CLNK: variants seen among roughly 807,000 people sequenced by gnomAD.
CLNK encodes cytokine dependent hematopoietic cell linker.
Under a neutral mutation model 68.6 loss-of-function variants are expected in CLNK, and 74 were observed. The ratio of observed to expected loss-of-function variants is 1.08; its 90% confidence interval spans 0.89 to 1.31. CLNK has a LOEUF of 1.31. CLNK is among the 50% of genes most tolerant of loss of function. The pLI, the probability that CLNK is intolerant of heterozygous loss-of-function variation, is 0.00. For synonymous variants in CLNK, 198 were observed against 172.2 expected (o/e 1.15, Z -1.17); for missense variants, 553 against 515.3 (o/e 1.07, Z -0.71).
chr4:10,722,348 C>G, the CLNK span, among the ~76,000 whole-genome samples: 7 of 152,106 alleles, frequency 4.6e-5, no homozygotes, highest in African/African-American at 1.7e-4. Context: ...AGGCTCTCAC[C>G]AACATGGCTC....
chr4:10,719,085 C>T, the CLNK span, among the ~76,000 whole-genome samples: 1 of 151,782 alleles, frequency 6.6e-6, no homozygotes, highest in African/African-American at 2.4e-5. Context: ...AAATGTAATT[C>T]TAAAAAAGTT....
intron 2 of CLNK, among the ~76,000 whole-genome samples, chr4:10,603,404 T>C (rs893884312): frequency 1.3e-5 from 2 of 152,224 alleles, no homozygotes; most frequent in African/African-American, 4.8e-5. Flanking sequence ...TTAGTCCATT[T>C]AATCCTCTTA....
chr4:10,625,077 C>T (rs1722615304), intron 2 of CLNK, among the ~76,000 whole-genome samples: 1 of 152,104 alleles, frequency 6.6e-6, no homozygotes, highest in African/African-American at 2.4e-5. Context: ...TCTTTCATTC[C>T]CAAAGCTGCA....
At chr4:10,640,688 A>G (rs1723276856) in intron 2 of CLNK, among the ~76,000 whole-genome samples, 1 of 152,256 alleles carries the variant, frequency 6.6e-6, no homozygotes, top group Non-Finnish European at 1.5e-5. Flanking sequence ...CAGACTAGGA[A>G]GGGCTGCACT....
upstream of CLNK, among the ~76,000 whole-genome samples, chr4:10,686,724 G>T (rs1725285684): frequency 6.6e-6 from 1 of 151,614 alleles, no homozygotes; most frequent in African/African-American, 2.4e-5. Flanking sequence ...GAAGAAAAGT[G>T]AATTATTGTG....
intron 8 of CLNK, among the ~76,000 whole-genome samples, chr4:10,542,965 G>A (rs1304886025): frequency 6.6e-6 from 1 of 151,888 alleles, no homozygotes; most frequent in East Asian, 1.9e-4. Context: ...TGTAATTATC[G>A]AGCTTCTACT....
At chr4:10,698,445 T>C in the CLNK span, among the ~76,000 whole-genome samples, 2 of 152,172 alleles carry the variant, frequency 1.3e-5, no homozygotes, top group Admixed American at 1.3e-4. Flanking sequence ...AATAAATGGG[T>C]GACTACTGGA....
chr4:10,583,531 T>G (rs1720864684), intron 4 of CLNK, among the ~76,000 whole-genome samples: 1 of 152,118 alleles, frequency 6.6e-6, no homozygotes, highest in Admixed American at 6.5e-5. Context: ...GTGATCCGCC[T>G]GCTTTGGCCT....
At chr4:10,651,064 G>A (rs770068317) in intron 2 of CLNK, among the ~76,000 whole-genome samples, 29 of 152,314 alleles carry the variant, frequency 1.9e-4, no homozygotes, top group South Asian at 4.2e-4. Flanking sequence ...ATGCTGAAGA[G>A]GATGTGGAGA....
At chr4:10,515,195 G>T (rs1406669574) in intron 15 of CLNK, among the ~76,000 whole-genome samples, 1 of 152,152 alleles carries the variant, frequency 6.6e-6, no homozygotes, top group African/African-American at 2.4e-5. Flanking sequence ...CCGAGATCAT[G>T]CCATTGCACT....
At chr4:10,510,439 A>G (rs1269736198) in intron 16 of CLNK, among the ~76,000 whole-genome samples, 1 of 152,206 alleles carries the variant, frequency 6.6e-6, no homozygotes, top group Non-Finnish European at 1.5e-5. Context: ...TTGCGTTGCA[A>G]TGACTTTTTA....
At chr4:10,674,006 C>A (rs1724769115) in intron 1 of CLNK, among the ~76,000 whole-genome samples, 1 of 152,220 alleles carries the variant, frequency 6.6e-6, no homozygotes, top group African/African-American at 2.4e-5. Context: ...AAAGCCCATG[C>A]ATAGCTCTCT....
chr4:10,689,684 T>G (rs1266602624), upstream of CLNK, among the ~76,000 whole-genome samples: 1 of 149,562 alleles, frequency 6.7e-6, no homozygotes, highest in Non-Finnish European at 1.5e-5. Context: ...AAGGGTGTGT[T>G]GTTTGTTTTA....
intron 12 of CLNK, chr4:10,531,428 A>T (rs1210396011): frequency 6.5e-6 from 1 of 153,056 alleles, no homozygotes; most frequent in Non-Finnish European, 1.4e-5. Flanking sequence ...TTTTATTTTT[A>T]TTTATTTAAT....
chr4:10,528,506 T>G (rs1718411811), intron 12 of CLNK, among the ~76,000 whole-genome samples: 1 of 152,216 alleles, frequency 6.6e-6, no homozygotes, highest in African/African-American at 2.4e-5. Flanking sequence ...TTTACAGAGT[T>G]AAATCACTGG....
intron 17 of CLNK, among the ~76,000 whole-genome samples, chr4:10,503,007 G>T (rs1577090258): frequency 6.6e-6 from 1 of 152,140 alleles, no homozygotes; most frequent in Non-Finnish European, 1.5e-5. Flanking sequence ...ATGATACTAA[G>T]ATCTGGTTGT....
chr4:10,730,546 C>T, the CLNK span, among the ~76,000 whole-genome samples: 1 of 152,126 alleles, frequency 6.6e-6, no homozygotes, highest in Non-Finnish European at 1.5e-5. Context: ...TCCCCTACCT[C>T]AAAAGGGAGT....
chr4:10,540,721 T>C, intron 10 of CLNK, 117 bp from the exon 11 acceptor site: 5 of 693,268 alleles, frequency 7.2e-6, no homozygotes, highest in Non-Finnish European at 1.3e-5. Context: ...AAAATGCTAG[T>C]TTTTGGATGC....
chr4:10,733,393 A>G, the CLNK span, among the ~76,000 whole-genome samples: 1 of 152,160 alleles, frequency 6.6e-6, no homozygotes, highest in African/African-American at 2.4e-5. Context: ...GTCTTAAGAA[A>G]AACACCTTTG....
Sources: gnomAD v4.1 joint callset for allele counts (sites outside exome capture counted in the v4.1 genomes callset) on GRCh38, gnomAD v4.1.1 for gene constraint, MANE v1.5 for transcripts, NCBI Gene and HGNC (gene_info 2026-07-23, HGNC 2026-07-21) for gene names.